Variants in GPC6 observed in about 807,000 individuals in gnomAD.
The protein encoded by GPC6 is glypican 6.
Under a neutral mutation model 55.2 loss-of-function variants are expected in GPC6, and 14 were observed. The observed-to-expected ratio is 0.25, with a 90% CI of 0.17 to 0.40. The LOEUF is 0.40. Ranked by LOEUF, GPC6 falls within the 10% of genes least tolerant of loss-of-function variation. The pLI, the probability that GPC6 is intolerant of heterozygous loss-of-function variation, is 1.00. For missense variants in GPC6, 641 were observed against 708.5 expected, an observed-to-expected ratio of 0.90 and a Z score of 1.08; for synonymous variants, 278 against 259.6, an observed-to-expected ratio of 1.07 and a Z score of -0.68.
chr13:93,906,567 A>G (rs1344219320), intron 3 of GPC6, among the ~76,000 whole-genome samples: 1 of 152,162 alleles, frequency 6.6e-6, no homozygotes, highest in Non-Finnish European at 1.5e-5. Flanking sequence ...TGTATTGAAT[A>G]TTGTGTTATC....
At chr13:93,812,367 C>G (rs1162314415) in intron 2 of GPC6, among the ~76,000 whole-genome samples, 3 of 149,760 alleles carry the variant, frequency 2.0e-5, no homozygotes, top group Admixed American at 6.7e-5. Flanking sequence ...GCCTGGGTGA[C>G]AGAGCAAGAC....
At chr13:94,253,627 G>A (rs1306156082) in intron 4 of GPC6, among the ~76,000 whole-genome samples, 1 of 152,070 alleles carries the variant, frequency 6.6e-6, no homozygotes, top group African/African-American at 2.4e-5. Context: ...ACTGCTGAGT[G>A]GGTGTGTTTT....
chr13:93,308,617 T>G (rs536213695), intron 1 of GPC6, among the ~76,000 whole-genome samples: 57 of 152,126 alleles, frequency 3.7e-4, no homozygotes, highest in Non-Finnish European at 7.2e-4. Flanking sequence ...AACTTTTGTA[T>G]TTTTAGTAGA....
At chr13:93,641,558 G>A (rs141815581) in intron 2 of GPC6, among the ~76,000 whole-genome samples, 98 of 152,234 alleles carry the variant, frequency 6.4e-4, no homozygotes, top group African/African-American at 2.3e-3. Flanking sequence ...CATGAAAGCT[G>A]TATACAAGTG....
intron 3 of GPC6, among the ~76,000 whole-genome samples, chr13:93,898,940 A>AATATATAT (rs66531953): frequency 0.013 from 1,783 of 136,572 alleles, 18 homozygotes; most frequent in East Asian, 0.063. Flanking sequence ...ATTATATATA[A>AATATATAT]ATATATATAT....
chr13:93,875,741 T>A (rs952422047), intron 3 of GPC6, among the ~76,000 whole-genome samples: 2 of 152,004 alleles, frequency 1.3e-5, no homozygotes, highest in African/African-American at 4.8e-5. Flanking sequence ...GGAGAGATAT[T>A]CAAGCTAATC....
chr13:93,326,475 C>T (rs914995892), intron 1 of GPC6, among the ~76,000 whole-genome samples: 6 of 152,040 alleles, frequency 3.9e-5, no homozygotes, highest in African/African-American at 7.2e-5. Context: ...CACACGTGTA[C>T]GCAGTTCAAG....
chr13:93,871,860 T>C (rs548523019), intron 3 of GPC6, among the ~76,000 whole-genome samples: 3 of 151,966 alleles, frequency 2.0e-5, no homozygotes, highest in African/African-American at 7.2e-5. Flanking sequence ...TGTTAGACTT[T>C]TTTTTTACTT....
At chr13:93,763,451 C>G (rs114332397) in intron 2 of GPC6, among the ~76,000 whole-genome samples, 3 of 152,174 alleles carry the variant, frequency 2.0e-5, no homozygotes, top group Non-Finnish European at 4.4e-5. Context: ...CCCCTATCCT[C>G]TCATATCATA....
intron 4 of GPC6, among the ~76,000 whole-genome samples, chr13:94,201,595 T>G (rs1889752001): frequency 6.6e-6 from 1 of 152,148 alleles, no homozygotes; most frequent in Non-Finnish European, 1.5e-5. Context: ...CATGATCACC[T>G]AAATACTTGC....
intron 3 of GPC6, among the ~76,000 whole-genome samples, chr13:93,885,925 G>T (rs1875297130): frequency 6.6e-6 from 1 of 152,196 alleles, no homozygotes; most frequent in East Asian, 1.9e-4. Context: ...TGATGCAGGT[G>T]GTTGGTATAT....
At chr13:93,978,200 T>C (rs1438954905) in intron 3 of GPC6, among the ~76,000 whole-genome samples, 1 of 152,138 alleles carries the variant, frequency 6.6e-6, no homozygotes, top group Non-Finnish European at 1.5e-5. Context: ...GAAAAAACAA[T>C]GAAGCAGATT....
At chr13:93,231,425 GTA>G (rs1491303762) in intron 1 of GPC6, among the ~76,000 whole-genome samples, 3 of 17,032 alleles carry the variant, frequency 1.8e-4, no homozygotes, top group East Asian at 1.7e-3. Context: ...ATATATATAC[GTA>G]TATATATATA....
At chr13:93,364,392 G>A (rs900911432) in intron 1 of GPC6, among the ~76,000 whole-genome samples, 8 of 151,978 alleles carry the variant, frequency 5.3e-5, no homozygotes, top group African/African-American at 1.9e-4. Context: ...ATGATGCACG[G>A]TGAGTCAACA....
At position 93,259,265 on chromosome 13, in the gene GPC6, C is replaced by A. The variant is rs372731220; in HGVS notation, c.160+31649C>A. Among the ~76,000 whole-genome samples, 45 of 152,240 alleles carry A rather than the reference C, an allele frequency of 3.0e-4. No homozygotes were observed. The East Asian group carries it at 6.2e-3, about 21-fold the overall frequency. On this transcript the variant is annotated intron_variant, in intron 1 of 8. Transcript: ENST00000377047. The stretch of plus-strand genomic sequence containing the variant: ...TCAAAAGGGATCCGATTAAGCCATG[C>A]TTCCTCATGTTAGAGCAGCTCTATG...
At chr13:94,092,763 T>G (rs1211027865) in intron 4 of GPC6, among the ~76,000 whole-genome samples, 1 of 152,146 alleles carries the variant, frequency 6.6e-6, no homozygotes, top group Non-Finnish European at 1.5e-5. Flanking sequence ...TAGAAGAGTT[T>G]CCTTTTCTCC....
intron 2 of GPC6, among the ~76,000 whole-genome samples, chr13:93,733,950 TCA>T (rs1883911253): frequency 6.6e-6 from 1 of 152,184 alleles, no homozygotes; most frequent in South Asian, 2.1e-4. Context: ...TCATGTTCTT[TCA>T]TTCATGGTCT....
intron 1 of GPC6, among the ~76,000 whole-genome samples, chr13:93,381,529 T>C (rs1875167705): frequency 6.6e-6 from 1 of 152,186 alleles, no homozygotes; most frequent in African/African-American, 2.4e-5. Context: ...AATTGAGCAT[T>C]GTTTTTATTG....
At chr13:94,167,590 A>C (rs2138923908) in intron 4 of GPC6, among the ~76,000 whole-genome samples, 1 of 152,304 alleles carries the variant, frequency 6.6e-6, no homozygotes, top group South Asian at 2.1e-4. Flanking sequence ...TGAGGACAAA[A>C]GAGTGTATGG....
Sources: gnomAD v4.1 joint callset for allele counts (sites outside exome capture counted in the v4.1 genomes callset) on GRCh38, gnomAD v4.1.1 for gene constraint, MANE v1.5 for transcripts, NCBI Gene and HGNC (gene_info 2026-07-23, HGNC 2026-07-21) for gene names.